KLKB1: variants seen among roughly 807,000 people sequenced by gnomAD.
KLKB1 encodes the protein kallikrein B1.
In KLKB1, 58 loss-of-function variants were observed where a neutral mutation model predicts 73.6. The observed-to-expected ratio is 0.79, with a 90% CI of 0.64 to 0.98. The LOEUF is 0.98. Among genes scored for constraint, KLKB1 ranks in the 50% least tolerant of loss-of-function variants. The probability of loss-of-function intolerance (pLI) is 0.00; values close to 1 mark genes in which losing one functional copy is unlikely to be tolerated. For synonymous variants in KLKB1, 280 were observed against 258.1 expected, an observed-to-expected ratio of 1.08 and a Z score of -0.81; for missense variants, 737 against 763.8, an observed-to-expected ratio of 0.96 and a Z score of 0.41.
chr4:186,240,200 T>C (rs898783659), intron 6 of KLKB1, among the ~76,000 whole-genome samples: 8 of 151,754 alleles, frequency 5.3e-5, no homozygotes, highest in Non-Finnish European at 1.2e-4. Flanking sequence ...TACAGTGATA[T>C]TGTTATAGTT....
In KLKB1 at chr4:186,242,536, A is replaced by G. The variant is rs2126650904; in HGVS notation, c.598+4171A>G. Among the ~76,000 whole-genome samples the G allele has an allele frequency of 1.3e-5, 2 of 152,262 alleles. 1 individual carries two copies. Among genetic ancestry groups the G allele is most frequent in the South Asian group, 4.1e-4 (2 of 4,822 alleles). ...GGGGTGATATTGTGGGGTTGTTAGA[A>G]GCAGCATTTGTCATATAGAATGATT... On this transcript the variant is annotated intron_variant, in intron 6 of 14. Coordinates refer to ENST00000264690, the MANE Select transcript of KLKB1 (RefSeq NM_000892.5).
intron 6 of KLKB1, among the ~76,000 whole-genome samples, chr4:186,246,872 A>G (rs1207770021): frequency 6.6e-6 from 1 of 152,186 alleles, no homozygotes; most frequent in Non-Finnish European, 1.5e-5. Flanking sequence ...GCAAGGAAAG[A>G]CTATCTTCCC....
chr4:186,217,707 G>A lies in KLKB1; in HGVS notation c.201+8435G>A, dbSNP rs974358309. Among the ~76,000 whole-genome samples, 5 of 152,168 alleles carry A rather than the reference G, an allele frequency of 3.3e-5. No homozygotes were observed. In the East Asian group the frequency reaches 5.8e-4, roughly 18 times the overall value. On this transcript the variant is annotated intron_variant, in intron 2 of 14. Coordinates refer to the KLKB1 transcript ENST00000511608. ...CAGTTGTTTTGTGTGGGTCTAGTAC[G>A]TAAATCTAGGACTGAAGGATAGAAG... is the stretch of plus-strand genomic sequence containing the variant.
upstream of KLKB1, among the ~76,000 whole-genome samples, chr4:186,225,431 T>C (rs1737133979): frequency 1.4e-5 from 2 of 143,622 alleles, no homozygotes; most frequent in South Asian, 2.2e-4. Context: ...TTCTTTTTTT[T>C]TTTTTTTTTT....
chr4:186,224,335 G>A (rs1438751397), upstream of KLKB1, among the ~76,000 whole-genome samples: 2 of 151,730 alleles, frequency 1.3e-5, no homozygotes, highest in African/African-American at 4.9e-5. Context: ...TGCCAGAATG[G>A]TAGATCCACT....
intron 6 of KLKB1, among the ~76,000 whole-genome samples, chr4:186,248,114 G>A (rs1738475881): frequency 6.6e-6 from 1 of 152,104 alleles, no homozygotes; most frequent in African/African-American, 2.4e-5. Flanking sequence ...TGGGCATGAT[G>A]GCAGATGCCT....
Position 186,257,440 on chromosome 4 carries a change from TAATTC to T in KLKB1, c.1725+79_1725+83del, listed in dbSNP as rs1739062792. 12 of 1,384,106 alleles carry T rather than the reference TAATTC, an allele frequency of 8.7e-6. No individual in the cohort carries two copies. The South Asian group carries it at 1.7e-4, about 19-fold the overall frequency. The allele number at this position is 1,384,106 out of a possible 1,614,324, so 85.7% of individuals were successfully genotyped here. ...TTTCAAAATATATTTTCCAATAGCA[TAATTC>T]AATCATAGTTTTTAAAAAAATTCAG... On this transcript the variant is annotated intron_variant, in intron 14 of 14. Transcript: ENST00000264690.
At chr4:186,239,860 C>A (rs1266715515) in intron 6 of KLKB1, among the ~76,000 whole-genome samples, 1 of 146,330 alleles carries the variant, frequency 6.8e-6, no homozygotes, top group Admixed American at 6.8e-5. Context: ...TGATATAGGA[C>A]AGTGATATTG....
rs1411293436 is a variant in KLKB1 at position 186,232,236 on chromosome 4, G to T, written c.168G>T (p.Arg56Ser). The change falls in exon 3 of 15, where the codon AGG becomes AGT. Residue 56 changes from arginine (R) to serine (S), a missense_variant. Coordinates refer to ENST00000264690, the MANE Select transcript of KLKB1 (RefSeq NM_000892.5). ...AGATGAGGTGCACATTCCACCCAAG[G>T]TGTTTGCTATTCAGTTTTCTTCCAG... ...YCQMRCTFHPRCLLFSFLPAS... is the reference protein window; with the variant it reads ...YCQMRCTFHPSCLLFSFLPAS... The T allele has an allele frequency of 6.2e-7, 1 of 1,614,108 alleles. No individual in the cohort carries two copies. The highest frequency in any genetic ancestry group is 8.5e-7 in the Non-Finnish European group (1 of 1,179,984).
At chr4:186,254,492 C>A in intron 11 of KLKB1, 96 bp from the exon 12 acceptor site, 1 of 1,056,288 alleles carries the variant, frequency 9.5e-7, no homozygotes, top group Non-Finnish European at 1.5e-6. Context: ...CTATGTATTT[C>A]CTTCCCAGTT....
intron 10 of KLKB1, 72 bp downstream of exon 10, chr4:186,251,933 A>C: frequency 6.2e-7 from 1 of 1,606,900 alleles, no homozygotes; most frequent in African/African-American, 1.3e-5. Flanking sequence ...AGTCTTAAGG[A>C]ATTATGTGTC....
chr4:186,227,082 C>T (rs2076938076), upstream of KLKB1, among the ~76,000 whole-genome samples: 2 of 152,140 alleles, frequency 1.3e-5, no homozygotes, highest in South Asian at 2.1e-4. Context: ...AAGTTAGGTT[C>T]TATCTTAACT....
chr4:186,258,360 C>A lies in KLKB1; in HGVS notation c.*148C>A. ...ACAGTGCACTCAGAGCTGCTGAGGA[C>A]AATGTCTGGCTGAAGCCCGCTTTCA... On this transcript the variant is annotated 3_prime_UTR_variant, in exon 15 of 15. Transcript: ENST00000264690. 1 of 775,290 alleles carries A rather than the reference C, an allele frequency of 1.3e-6. No homozygotes were observed. The allele number at this position is 775,290 out of a possible 1,614,324, so 48.0% of individuals were successfully genotyped here. A position where few individuals can be genotyped will look rare whatever the true frequency, so the allele number is the denominator to read the frequency against.
At chr4:186,234,179 G>T in intron 4 of KLKB1, 121 bp downstream of exon 4, 1 of 753,812 alleles carries the variant, frequency 1.3e-6, no homozygotes, top group Non-Finnish European at 2.4e-6. Context: ...GATAGGAGAT[G>T]GGGCAGTATT....
intron 6 of KLKB1, among the ~76,000 whole-genome samples, chr4:186,248,727 G>C (rs1192450191): frequency 6.6e-6 from 1 of 150,826 alleles, no homozygotes; most frequent in Non-Finnish European, 1.5e-5. Flanking sequence ...GTAACTCCAT[G>C]TTTAACTTTT....
At chr4:186,252,424 G>C (rs1392956183) in intron 11 of KLKB1, among the ~76,000 whole-genome samples, 1 of 151,918 alleles carries the variant, frequency 6.6e-6, no homozygotes, top group Non-Finnish European at 1.5e-5. Flanking sequence ...AAAGAGAAAC[G>C]AAGACAGTAC....
At chr4:186,212,796 A>T (rs1292813404) in intron 2 of KLKB1, 1 of 152,220 alleles carries the variant, frequency 6.6e-6, no homozygotes, top group Non-Finnish European at 1.5e-5. Context: ...GCCATTTAAG[A>T]CAGGGGCGGT....
At chr4:186,215,608 G>C (rs1010068283) in intron 2 of KLKB1, among the ~76,000 whole-genome samples, 2 of 151,730 alleles carry the variant, frequency 1.3e-5, no homozygotes, top group East Asian at 3.9e-4. Context: ...TTTTGAGACA[G>C]GGTCACCTAG....
At chr4:186,227,708 G>C in intron 1 of KLKB1, 121 bp downstream of exon 1, 1 of 157,862 alleles carries the variant, frequency 6.3e-6, no homozygotes, top group East Asian at 1.8e-4. Context: ...AGAGAGTATA[G>C]ATAATGTTCC....
Sources: allele counts gnomAD v4.1 joint callset (sites outside exome capture counted in the v4.1 genomes callset), GRCh38; gene constraint gnomAD v4.1.1; transcripts MANE v1.5; gene names NCBI Gene and HGNC (gene_info 2026-07-23, HGNC 2026-07-21).